Variants in NCAM1 observed in about 807,000 individuals in gnomAD.
NCAM1 encodes the protein neural cell adhesion molecule 1.
In NCAM1, 14 loss-of-function variants were observed where a neutral mutation model predicts 109.8. The observed-to-expected ratio is 0.13, with a 90% CI of 0.08 to 0.20. NCAM1 has a LOEUF of 0.20. Ranked by LOEUF, NCAM1 falls within the 10% of genes least tolerant of loss-of-function variation. The pLI is 1.00. For synonymous variants in NCAM1, 418 were observed against 442.9 expected, an observed-to-expected ratio of 0.94 and a Z score of 0.70; for missense variants, 774 against 1,109.9, an observed-to-expected ratio of 0.70 and a Z score of 4.30.
At chr11:113,124,809 T>C (rs1941113182) in intron 1 of NCAM1, among the ~76,000 whole-genome samples, 1 of 152,214 alleles carries the variant, frequency 6.6e-6, no homozygotes, top group Non-Finnish European at 1.5e-5. Flanking sequence ...ACAGCTGGAT[T>C]ACTCCGGGTC....
chr11:113,019,183 C>G (rs1555075815), intron 1 of NCAM1, among the ~76,000 whole-genome samples: 1 of 152,014 alleles, frequency 6.6e-6, no homozygotes, highest in African/African-American at 2.4e-5. Flanking sequence ...TCCCTCTGGC[C>G]AGCCCACCAA....
At chr11:113,191,311 G>C (rs1363009936) in intron 1 of NCAM1, among the ~76,000 whole-genome samples, 4 of 152,128 alleles carry the variant, frequency 2.6e-5, no homozygotes, top group Non-Finnish European at 4.4e-5. Context: ...GTGGGCTCAG[G>C]AATTCCAGCA....
At chr11:113,164,791 C>T (rs1000573542) in intron 1 of NCAM1, among the ~76,000 whole-genome samples, 3 of 152,050 alleles carry the variant, frequency 2.0e-5, no homozygotes, top group African/African-American at 7.2e-5. Context: ...TTTATGGAGG[C>T]TTCATCACGT....
At chr11:113,141,321 G>A (rs782198710) in intron 1 of NCAM1, among the ~76,000 whole-genome samples, 4 of 152,140 alleles carry the variant, frequency 2.6e-5, no homozygotes, top group African/African-American at 4.8e-5. Flanking sequence ...ATCGCTGTGA[G>A]TCAGGGCATT....
chr11:113,013,363 G>T (rs1047513761), intron 1 of NCAM1, among the ~76,000 whole-genome samples: 2 of 145,768 alleles, frequency 1.4e-5, no homozygotes, highest in African/African-American at 2.5e-5. Context: ...GAGGCGGAGG[G>T]TTGCAGTGAG....
chr11:112,999,636 C>T (rs1321974467), intron 1 of NCAM1, among the ~76,000 whole-genome samples: 1 of 152,024 alleles, frequency 6.6e-6, no homozygotes, highest in East Asian at 1.9e-4. Flanking sequence ...CCAGGTCCCA[C>T]ATGGATATTG....
chr11:113,002,021 C>T (rs1951766253), intron 1 of NCAM1, among the ~76,000 whole-genome samples: 1 of 152,216 alleles, frequency 6.6e-6, no homozygotes, highest in Non-Finnish European at 1.5e-5. Flanking sequence ...CTCCTTCTAA[C>T]TGTTCTAACA....
At chr11:113,202,218 C>T in intron 1 of NCAM1, 161 bp from the exon 2 acceptor site, 2 of 732,762 alleles carry the variant, frequency 2.7e-6, no homozygotes, top group Non-Finnish European at 4.4e-6. Context: ...TCAAACTCCA[C>T]ACAACCTCCT....
At chr11:113,225,231 T>C (rs2137141229) in intron 9 of NCAM1, among the ~76,000 whole-genome samples, 1 of 151,944 alleles carries the variant, frequency 6.6e-6, no homozygotes, top group Non-Finnish European at 1.5e-5. Flanking sequence ...TACACAGAAG[T>C]CCTTAAAGGA....
At chr11:112,972,017 C>A (rs1950897064) in intron 1 of NCAM1, among the ~76,000 whole-genome samples, 1 of 152,086 alleles carries the variant, frequency 6.6e-6, no homozygotes, top group African/African-American at 2.4e-5. Context: ...AAGCAACCAG[C>A]AAGGGTGGAT....
intron 1 of NCAM1, among the ~76,000 whole-genome samples, chr11:113,173,735 A>T (rs1943065646): frequency 6.6e-6 from 1 of 151,318 alleles, no homozygotes; most frequent in Non-Finnish European, 1.5e-5. Context: ...CTTGGGCTTA[A>T]CCTGCAGAGC....
intron 1 of NCAM1, among the ~76,000 whole-genome samples, chr11:113,119,728 T>A (rs1294665030): frequency 6.6e-6 from 1 of 152,218 alleles, no homozygotes; most frequent in Non-Finnish European, 1.5e-5. Flanking sequence ...TTAAAAATTC[T>A]GTTAGCTAAA....
chr11:113,024,189 T>C (rs1952474637), intron 1 of NCAM1, among the ~76,000 whole-genome samples: 2 of 152,156 alleles, frequency 1.3e-5, no homozygotes, highest in South Asian at 4.1e-4. Flanking sequence ...CTTACAGAAG[T>C]GTGGCTGGGC....
At chr11:113,077,286 T>C (rs972368806) in intron 1 of NCAM1, among the ~76,000 whole-genome samples, 5 of 152,182 alleles carry the variant, frequency 3.3e-5, no homozygotes, top group Admixed American at 2.6e-4. Flanking sequence ...AAAGTTTTCA[T>C]GGAGGAGATT....
intron 14 of NCAM1, among the ~76,000 whole-genome samples, chr11:113,244,523 T>G (rs1438950142): frequency 6.6e-6 from 1 of 152,204 alleles, no homozygotes; most frequent in Non-Finnish European, 1.5e-5. Flanking sequence ...ACTAGTAAGA[T>G]GAAATGTGGC....
intron 14 of NCAM1, among the ~76,000 whole-genome samples, chr11:113,241,838 T>C (rs1391579208): frequency 1.3e-5 from 2 of 152,204 alleles, no homozygotes; most frequent in African/African-American, 2.4e-5. Context: ...GCTGGCTTTA[T>C]TCTCCTTGAT....
intron 1 of NCAM1, among the ~76,000 whole-genome samples, chr11:113,052,449 C>T (rs988517788): frequency 9.9e-5 from 15 of 152,134 alleles, no homozygotes; most frequent in African/African-American, 3.6e-4. Context: ...TCCCTCCCCA[C>T]CCCCGCACCT....
At chr11:112,970,256 C>A (rs780464464) in intron 1 of NCAM1, among the ~76,000 whole-genome samples, 25 of 152,118 alleles carry the variant, frequency 1.6e-4, no homozygotes, top group Non-Finnish European at 3.5e-4. Flanking sequence ...CTGCCTCAGG[C>A]TCTATGTTTG....
At chr11:113,219,061 C>T (rs1944612561) in intron 8 of NCAM1, among the ~76,000 whole-genome samples, 1 of 152,186 alleles carries the variant, frequency 6.6e-6, no homozygotes, top group South Asian at 2.1e-4. Flanking sequence ...CCATCATATG[C>T]CTCTTTGAAC....
Sources: gnomAD v4.1 joint callset for allele counts (sites outside exome capture counted in the v4.1 genomes callset) on GRCh38, gnomAD v4.1.1 for gene constraint, MANE v1.5 for transcripts, NCBI Gene and HGNC (gene_info 2026-07-23, HGNC 2026-07-21) for gene names.